Variants in SEZ6L observed in about 807,000 individuals in gnomAD.
SEZ6L encodes seizure 6-like protein.
SEZ6L carries 37 observed loss-of-function variants against 106.2 expected under a neutral mutation model. That is an observed-to-expected ratio of 0.35 (90% CI 0.27 to 0.46). The LOEUF (loss-of-function observed/expected upper bound fraction) is 0.46. Among genes scored for constraint, SEZ6L ranks in the 20% least tolerant of loss-of-function variants. The pLI, the probability that SEZ6L is intolerant of heterozygous loss-of-function variation, is 1.00. For synonymous variants in SEZ6L, 541 were observed against 570.4 expected, an observed-to-expected ratio of 0.95 and a Z score of 0.73; for missense variants, 1,172 against 1,332.8, an observed-to-expected ratio of 0.88 and a Z score of 1.88.
chr22:26,295,433 TTTTTTG>T (rs924198076), intron 3 of SEZ6L, among the ~76,000 whole-genome samples: 1 of 152,070 alleles, frequency 6.6e-6, no homozygotes, highest in Non-Finnish European at 1.5e-5. Flanking sequence ...CTTAGGAAGG[TTTTTTG>T]TTTTTGTTTT....
intron 9 of SEZ6L, among the ~76,000 whole-genome samples, chr22:26,332,729 T>G (rs1275670069): frequency 6.6e-6 from 1 of 152,238 alleles, no homozygotes; most frequent in African/African-American, 2.4e-5. Context: ...ATTACAAGCA[T>G]GAACCATCAT....
At chr22:26,342,725 C>T (rs1405746306) in intron 10 of SEZ6L, among the ~76,000 whole-genome samples, 1 of 151,848 alleles carries the variant, frequency 6.6e-6, no homozygotes, top group Non-Finnish European at 1.5e-5. Flanking sequence ...AAGAATTGTC[C>T]ATCTCTAACT....
At chr22:26,261,239 TAA>T (rs1425812858) in intron 1 of SEZ6L, among the ~76,000 whole-genome samples, 1 of 152,232 alleles carries the variant, frequency 6.6e-6, no homozygotes, top group African/African-American at 2.4e-5. Context: ...TTAGTTTAAT[TAA>T]GTCTCACCTA....
intron 1 of SEZ6L, among the ~76,000 whole-genome samples, chr22:26,289,608 C>T (rs2081044759): frequency 6.6e-6 from 1 of 152,224 alleles, no homozygotes; most frequent in Admixed American, 6.5e-5. Flanking sequence ...CCCAGATACC[C>T]ATTCCTGGCC....
intron 11 of SEZ6L, among the ~76,000 whole-genome samples, chr22:26,348,612 AAAAGAAAGAAAG>A (rs1175520871): frequency 4.6e-5 from 1 of 21,782 alleles, no homozygotes; most frequent in African/African-American, 4.4e-4. Flanking sequence ...AAGAAAGAGA[AAAAGAAAGAAAG>A]AAAGAAAGAA....
At chr22:26,280,257 C>A (rs553343616) in intron 1 of SEZ6L, among the ~76,000 whole-genome samples, 2 of 125,710 alleles carry the variant, frequency 1.6e-5, no homozygotes, top group South Asian at 4.4e-4. Context: ...TAAATACATA[C>A]GTACATTTAT....
intron 1 of SEZ6L, among the ~76,000 whole-genome samples, chr22:26,205,107 G>A (rs957487974): frequency 5.3e-5 from 8 of 152,172 alleles, no homozygotes; most frequent in African/African-American, 1.9e-4. Flanking sequence ...AAATCTCAAT[G>A]TCAAATTTAA....
intron 1 of SEZ6L, among the ~76,000 whole-genome samples, chr22:26,285,806 G>A (rs888471334): frequency 1.3e-5 from 2 of 152,204 alleles, no homozygotes; most frequent in Admixed American, 6.5e-5. Flanking sequence ...TTAATTTTGT[G>A]TGATGTGCTC....
chr22:26,197,715 T>A (rs764520981), intron 1 of SEZ6L, among the ~76,000 whole-genome samples: 6 of 152,130 alleles, frequency 3.9e-5, no homozygotes, highest in Non-Finnish European at 7.4e-5. Flanking sequence ...GAGAAACACT[T>A]TTTTTTCTAA....
intron 1 of SEZ6L, among the ~76,000 whole-genome samples, chr22:26,224,868 A>C (rs1189275825): frequency 1.3e-5 from 2 of 152,170 alleles, no homozygotes; most frequent in Non-Finnish European, 2.9e-5. Context: ...CCCCCAACTC[A>C]GGGACTTAGA....
chr22:26,280,050 A>G (rs1295352529), intron 1 of SEZ6L, among the ~76,000 whole-genome samples: 1 of 152,208 alleles, frequency 6.6e-6, no homozygotes. Context: ...TCTCTCTTTG[A>G]GCCCAAACCT....
At chr22:26,319,557 G>T (rs2082097535) in intron 9 of SEZ6L, among the ~76,000 whole-genome samples, 1 of 152,040 alleles carries the variant, frequency 6.6e-6, no homozygotes, top group Admixed American at 6.5e-5. Context: ...CATACCTCAG[G>T]GCCTTTGCAC....
chr22:26,187,069 T>C (rs762650413), intron 1 of SEZ6L, among the ~76,000 whole-genome samples: 1 of 152,206 alleles, frequency 6.6e-6, no homozygotes, highest in Non-Finnish European at 1.5e-5. Context: ...GGACAATTTG[T>C]GTATTAGTTT....
At chr22:26,372,597 T>C (rs1238449544) in intron 13 of SEZ6L, among the ~76,000 whole-genome samples, 3 of 152,312 alleles carry the variant, frequency 2.0e-5, no homozygotes, top group South Asian at 4.1e-4. Flanking sequence ...CACTCCCTCC[T>C]ATCCCCTAAT....
intron 5 of SEZ6L, among the ~76,000 whole-genome samples, chr22:26,301,022 A>G (rs2081437016): frequency 6.6e-6 from 1 of 152,124 alleles, no homozygotes; most frequent in Non-Finnish European, 1.5e-5. Flanking sequence ...AACTACTGCC[A>G]TTTTTCAAGC....
intron 9 of SEZ6L, among the ~76,000 whole-genome samples, chr22:26,335,815 C>G (rs1024216735): frequency 2.0e-5 from 3 of 152,110 alleles, no homozygotes; most frequent in African/African-American, 7.2e-5. Flanking sequence ...TGGTGAGCAT[C>G]AAATCCAGCT....
intron 1 of SEZ6L, among the ~76,000 whole-genome samples, chr22:26,240,903 G>T (rs1602125292): frequency 6.6e-6 from 1 of 152,242 alleles, no homozygotes; most frequent in African/African-American, 2.4e-5. Flanking sequence ...TTCTGGAAAG[G>T]CCTAGGAAGA....
chr22:26,330,062 G>A (rs1452206185), intron 9 of SEZ6L, among the ~76,000 whole-genome samples: 1 of 152,186 alleles, frequency 6.6e-6, no homozygotes, highest in Non-Finnish European at 1.5e-5. Context: ...TCCTCATCTG[G>A]AAAATGGACA....
At chr22:26,361,519 AAAT>A (rs150679058) in intron 12 of SEZ6L, among the ~76,000 whole-genome samples, 11,212 of 129,260 alleles carry the variant, frequency 0.087, 425 homozygotes, top group East Asian at 0.29. Flanking sequence ...AAAAAAAAAA[AAAT>A]ATATATATAT....
Sources: gnomAD v4.1 joint callset for allele counts (sites outside exome capture counted in the v4.1 genomes callset) on GRCh38, gnomAD v4.1.1 for gene constraint, MANE v1.5 for transcripts, NCBI Gene and HGNC (gene_info 2026-07-23, HGNC 2026-07-21) for gene names.